The following GPHN variants were observed in gnomAD, a reference collection of about 807,000 sequenced individuals.
GPHN encodes gephyrin.
GPHN carries 17 observed loss-of-function variants against 95.5 expected under a neutral mutation model. The observed-to-expected ratio is 0.18, with a 90% CI of 0.12 to 0.27. The LOEUF (loss-of-function observed/expected upper bound fraction) is 0.27. GPHN is among the 10% of genes least tolerant of loss of function. The pLI is 1.00. For missense variants in GPHN, 660 were observed against 978.1 expected (o/e 0.67, Z 4.34); for synonymous variants, 320 against 322.5 (o/e 0.99, Z 0.08).
At chr14:66,911,073 C>T (rs2065651886) in intron 5 of GPHN, among the ~76,000 whole-genome samples, 1 of 151,818 alleles carries the variant, frequency 6.6e-6, no homozygotes. Context: ...TTTAGATAAA[C>T]ATATGTGGAA....
chr14:67,175,929 G>A (rs1001027576), intron 21 of GPHN, among the ~76,000 whole-genome samples: 1 of 152,186 alleles, frequency 6.6e-6, no homozygotes, highest in Admixed American at 6.5e-5. Context: ...CATTGATTTT[G>A]TATCCTGAGA....
intron 3 of GPHN, among the ~76,000 whole-genome samples, chr14:66,778,645 G>T (rs190313576): frequency 6.2e-5 from 9 of 144,968 alleles, no homozygotes; most frequent in Middle Eastern, 3.8e-3. Context: ...TCAATATCAA[G>T]TTCACTAAAT....
At chr14:67,213,218 G>A in the GPHN span, among the ~76,000 whole-genome samples, 2 of 149,716 alleles carry the variant, frequency 1.3e-5, no homozygotes, top group Non-Finnish European at 3.0e-5. Context: ...CAATGTGCAG[G>A]TTAGTTACAT....
Position 66,785,993 on chromosome 14 carries a change from TAGA to T in GPHN, c.201+9479_201+9481del, listed in dbSNP as rs957907360. ...AATCTAAGTTTTTTCCTCCAGAAAC[TAGA>T]AGAAGAGCAAAATATATTCAGAGCA... On this transcript the variant is annotated intron_variant, in intron 3 of 22. Transcript: ENST00000478722. 9.2e-5 allele frequency among the ~76,000 whole-genome samples: 14 copies of T among 152,154 alleles called. No homozygotes were observed. In the East Asian group the frequency reaches 9.6e-4, roughly 10 times the overall value.
the GPHN span, among the ~76,000 whole-genome samples, chr14:67,250,450 A>G: frequency 6.6e-6 from 1 of 152,192 alleles, no homozygotes; most frequent in Non-Finnish European, 1.5e-5. Context: ...TGGAAATCAC[A>G]TTGCCTCACA....
chr14:66,961,012 C>T (rs763315001), intron 8 of GPHN, among the ~76,000 whole-genome samples: 5 of 152,038 alleles, frequency 3.3e-5, no homozygotes, highest in Non-Finnish European at 5.9e-5. Context: ...TGCCTCAACC[C>T]TGGGAATATT....
At chr14:67,414,694 A>T in the GPHN span, among the ~76,000 whole-genome samples, 1 of 152,238 alleles carries the variant, frequency 6.6e-6, no homozygotes, top group Non-Finnish European at 1.5e-5. Context: ...ATCATTAGAG[A>T]TTCATTCCTT....
chr14:66,545,824 C>A (rs2059563381), intron 1 of GPHN, among the ~76,000 whole-genome samples: 1 of 145,718 alleles, frequency 6.9e-6, no homozygotes, highest in Non-Finnish European at 1.5e-5. Context: ...GCGGAGGCTC[C>A]CCTCTCCTCC....
At chr14:67,689,663 G>A in the GPHN span, among the ~76,000 whole-genome samples, 1 of 152,164 alleles carries the variant, frequency 6.6e-6, no homozygotes, top group Non-Finnish European at 1.5e-5. Context: ...TTAAGTAATG[G>A]CCAGGTGCGG....
the GPHN span, among the ~76,000 whole-genome samples, chr14:67,236,732 A>G: frequency 1.3e-5 from 2 of 152,196 alleles, no homozygotes; most frequent in Non-Finnish European, 2.9e-5. Flanking sequence ...ACCCAATTAA[A>G]TTAGAAAAGT....
intron 1 of GPHN, among the ~76,000 whole-genome samples, chr14:66,614,244 T>C (rs904091916): frequency 6.6e-6 from 1 of 152,130 alleles, no homozygotes; most frequent in Non-Finnish European, 1.5e-5. Context: ...TATTAGTAGT[T>C]TGGAAATCAA....
the GPHN span, among the ~76,000 whole-genome samples, chr14:67,273,661 T>C: frequency 0.011 from 1,651 of 152,292 alleles, 34 homozygotes; most frequent in African/African-American, 0.037. Context: ...CTGGGTCAAA[T>C]GGTATTTCTA....
At chr14:67,289,910 A>T in the GPHN span, among the ~76,000 whole-genome samples, 1 of 151,758 alleles carries the variant, frequency 6.6e-6, no homozygotes, top group Non-Finnish European at 1.5e-5. Context: ...AGCTGGGACT[A>T]CAGGCACCCA....
chr14:66,545,378 G>A (rs530366237), intron 1 of GPHN, among the ~76,000 whole-genome samples: 105 of 135,760 alleles, frequency 7.7e-4, no homozygotes, highest in African/African-American at 2.6e-3. Flanking sequence ...CTGGCCAGGC[G>A]GGGGGCTGAC....
At chr14:66,815,147 T>A (rs2060914053) in intron 3 of GPHN, among the ~76,000 whole-genome samples, 1 of 152,072 alleles carries the variant, frequency 6.6e-6, no homozygotes, top group African/African-American at 2.4e-5. Context: ...TGAACAAAAC[T>A]TCCAAGAAAT....
chr14:67,387,166 GCAC>G, the GPHN span: 1 of 591,602 alleles, frequency 1.7e-6, no homozygotes, highest in Non-Finnish European at 2.8e-6. Context: ...GAAGGAAATG[GCAC>G]CACTGCTGTT....
intron 4 of GPHN, among the ~76,000 whole-genome samples, chr14:66,834,031 T>G (rs2061690779): frequency 6.6e-6 from 1 of 152,038 alleles, no homozygotes; most frequent in Non-Finnish European, 1.5e-5. Context: ...TATCGAAGAG[T>G]TCATTGTTTA....
intron 2 of GPHN, among the ~76,000 whole-genome samples, chr14:66,721,919 C>G (rs1308476294): frequency 2.1e-5 from 3 of 146,102 alleles, no homozygotes; most frequent in African/African-American, 7.7e-5. Flanking sequence ...CCATTGTACT[C>G]CAGCCTGGGC....
intron 2 of GPHN, among the ~76,000 whole-genome samples, chr14:66,733,989 C>A (rs2072032081): frequency 6.6e-6 from 1 of 152,162 alleles, no homozygotes; most frequent in Non-Finnish European, 1.5e-5. Context: ...CCATTAGCTC[C>A]TTCTCCAAAA....
Sources: allele counts gnomAD v4.1 joint callset (sites outside exome capture counted in the v4.1 genomes callset), GRCh38; gene constraint gnomAD v4.1.1; transcripts MANE v1.5; gene names NCBI Gene and HGNC (gene_info 2026-07-23, HGNC 2026-07-21).